Variants in CDH10 observed in about 807,000 individuals in gnomAD.
CDH10 encodes cadherin 10.
CDH10 carries 30 observed loss-of-function variants against 73.1 expected under a neutral mutation model. The observed-to-expected ratio is 0.41, with a 90% CI of 0.31 to 0.56. The LOEUF is 0.56. CDH10 is among the 20% of genes least tolerant of loss of function. The pLI is 0.27. For synonymous variants in CDH10, 345 were observed against 348.2 expected (o/e 0.99, Z 0.10); for missense variants, 815 against 973.7 (o/e 0.84, Z 2.17).
intron 2 of CDH10, among the ~76,000 whole-genome samples, chr5:24,580,411 TTG>T (rs1561177013): frequency 6.6e-6 from 1 of 152,168 alleles, no homozygotes. Flanking sequence ...CTTAAATAAT[TTG>T]TGTGAGATGG....
At chr5:24,516,338 T>C (rs1036405496) in intron 5 of CDH10, among the ~76,000 whole-genome samples, 5 of 152,162 alleles carry the variant, frequency 3.3e-5, no homozygotes, top group African/African-American at 1.2e-4. Flanking sequence ...TTTTCATAAT[T>C]AATACATATC....
intron 9 of CDH10, among the ~76,000 whole-genome samples, chr5:24,494,624 A>C (rs1317723774): frequency 1.3e-5 from 2 of 152,050 alleles, no homozygotes; most frequent in Non-Finnish European, 2.9e-5. Flanking sequence ...ACAAAGTATA[A>C]TTTCAATTTA....
Position 24,537,362 on chromosome 5 carries a change from C to G in CDH10, c.526+18G>C, listed in dbSNP as rs771328294. On this transcript the variant is annotated intron_variant, in intron 3 of 11. Coordinates refer to ENST00000264463, the MANE Select transcript of CDH10 (RefSeq NM_006727.5). ...AACACTTTTTGAATACCATCATAAA[C>G]GCTGTAAATGAACTTACCTACAACA... 3 of 1,554,478 alleles carry G rather than the reference C, an allele frequency of 1.9e-6. No homozygotes were observed. The highest frequency in any genetic ancestry group is 2.6e-6 in the Non-Finnish European group (3 of 1,139,890).
chr5:24,626,156 G>A (rs1747490210), intron 1 of CDH10, among the ~76,000 whole-genome samples: 1 of 152,084 alleles, frequency 6.6e-6, no homozygotes, highest in South Asian at 2.1e-4. Context: ...TTAATTTCAT[G>A]GATCAGATTC....
intron 3 of CDH10, among the ~76,000 whole-genome samples, chr5:24,536,384 AT>A (rs1277777405): frequency 6.6e-6 from 1 of 152,070 alleles, no homozygotes; most frequent in Non-Finnish European, 1.5e-5. Context: ...AGTTCTTGGG[AT>A]TTAATGAAGT....
intron 1 of CDH10, among the ~76,000 whole-genome samples, chr5:24,642,903 C>G (rs1278115174): frequency 2.0e-5 from 3 of 149,792 alleles, no homozygotes; most frequent in Non-Finnish European, 4.4e-5. Context: ...AATTTGTTCA[C>G]AGCAAGTATT....
At chr5:24,504,989 T>A in intron 8 of CDH10, 123 bp downstream of exon 8, 1 of 706,156 alleles carries the variant, frequency 1.4e-6, no homozygotes, top group Non-Finnish European at 2.3e-6. Context: ...TTAAAATTCA[T>A]CTGTCCAATG....
At chr5:24,572,534 C>A (rs1298621120) in intron 2 of CDH10, among the ~76,000 whole-genome samples, 1 of 151,690 alleles carries the variant, frequency 6.6e-6, no homozygotes, top group Non-Finnish European at 1.5e-5. Flanking sequence ...ATTAAATGCC[C>A]CTCCCCCCAA....
rs929336845 is a variant in CDH10 at position 24,578,728 on chromosome 5, T to C, written c.231+14532A>G. 3.3e-5 allele frequency among the ~76,000 whole-genome samples: 5 copies of C among 152,290 alleles called. 1 individual carries two copies. The highest frequency in any genetic ancestry group is 4.1e-4 in the South Asian group (2 of 4,830). ...ACAACAAAACTGTGGCATTATAGGA[T>C]ATCTTTAATGAATTCTGTCTACCAT... On this transcript the variant is annotated intron_variant, in intron 2 of 11. Coordinates refer to ENST00000264463, the MANE Select transcript of CDH10 (RefSeq NM_006727.5).
In CDH10 at chr5:24,604,026, CAATT is replaced by C. The variant is rs1746662284; in HGVS notation, c.-123-10417_-123-10414del. ...AAACAATTAAAGTTTTACATAAAAA[CAATT>C]AATACTTCTAGATTGAAATAAAAAT... On this transcript the variant is annotated intron_variant, in intron 1 of 11. Transcript: ENST00000264463. 2.0e-5 allele frequency among the ~76,000 whole-genome samples: 3 copies of C among 152,054 alleles called. No homozygotes were observed. The South Asian group carries it at 6.2e-4, about 32-fold the overall frequency.
In CDH10 at chr5:24,511,333, C is replaced by G. The variant is rs141628395; in HGVS notation, c.996G>C (p.Val332=). 1.9e-6 allele frequency: 3 copies of G among 1,602,884 alleles called. No homozygotes were observed. The highest frequency in any genetic ancestry group is 2.6e-6 in the Non-Finnish European group (3 of 1,171,198). ...TTATATGGATGCTGTGCACCTTTTT[C>G]ACAGTGATGATGCCTTCCTGTGTGT... ...EKDTQEGIIT[V]KKPLDYESRR... Residue 332 remains valine, a synonymous_variant, in exon 6 of 12, where the codon GTG becomes GTC. Transcript: ENST00000264463.
rs2111605418 is a variant in CDH10 at position 24,487,907 on chromosome 5, G to A, written c.2123C>T (p.Thr708Met). Residue 708 changes from threonine to methionine, a missense_variant, in exon 12 of 12, where the codon ACG (threonine) becomes ATG (methionine). By Grantham distance (81) the Thr-to-Met change is moderately conservative. This residue lies in a region of CDH10 where 241 missense variants were observed against 240.3 expected (regional missense o/e 1.00). Coordinates refer to ENST00000264463, the MANE Select transcript of CDH10 (RefSeq NM_006727.5). ...TTCATTAATGAAATCCCGGACGTCC[G>A]TGTTATCTGGAGCTGTAGGAGTCCT... ...PRRTPTAPDN[T>M]DVRDFINERL... The A allele has an allele frequency of 1.2e-6, 2 of 1,613,770 alleles. No individual in the cohort carries two copies. The highest frequency in any genetic ancestry group is 8.5e-7 in the Non-Finnish European group (1 of 1,179,910).
chr5:24,575,208 A>G (rs1385465101), intron 2 of CDH10, among the ~76,000 whole-genome samples: 1 of 151,912 alleles, frequency 6.6e-6, no homozygotes, highest in Non-Finnish European at 1.5e-5. Flanking sequence ...CTAAAAATAT[A>G]AAAATTACCC....
chr5:24,534,803 G>A (rs550771744), intron 5 of CDH10, among the ~76,000 whole-genome samples: 84 of 151,950 alleles, frequency 5.5e-4, no homozygotes, highest in Non-Finnish European at 1.0e-3. Flanking sequence ...AATAAACATT[G>A]TTTCCTTTTG....
intron 5 of CDH10, 49 bp from the exon 6 acceptor site, chr5:24,511,563 G>C (rs776324771): frequency 8.4e-5 from 63 of 748,520 alleles, no homozygotes; most frequent in African/African-American, 6.3e-4. Context: ...GAGAGAGAGA[G>C]AGAGAGAGAG....
intron 1 of CDH10, among the ~76,000 whole-genome samples, chr5:24,639,950 C>A (rs1484123851): frequency 6.6e-6 from 1 of 151,790 alleles, no homozygotes; most frequent in Non-Finnish European, 1.5e-5. Flanking sequence ...CTTGCTAGTG[C>A]AGTAAACTAC....
intron 1 of CDH10, among the ~76,000 whole-genome samples, chr5:24,619,293 A>G (rs2112163601): frequency 6.6e-6 from 1 of 152,038 alleles, no homozygotes; most frequent in South Asian, 2.1e-4. Flanking sequence ...TCCCGGGTTC[A>G]CGCCATTCTC....
In CDH10 at chr5:24,537,366, G is replaced by A. The variant is rs565332922; in HGVS notation, c.526+14C>T. 6.3e-7 allele frequency: 1 copy of A among 1,577,610 alleles called. No individual in the cohort carries two copies. The highest frequency in any genetic ancestry group is 8.6e-7 in the Non-Finnish European group (1 of 1,156,354). On this transcript the variant is annotated intron_variant, in intron 3 of 11. Coordinates refer to ENST00000264463, the MANE Select transcript of CDH10 (RefSeq NM_006727.5). ...CTTTTTGAATACCATCATAAACGCT[G>A]TAAATGAACTTACCTACAACAGACA...
chr5:24,507,575 C>T (rs1742743756), intron 7 of CDH10, among the ~76,000 whole-genome samples: 1 of 151,700 alleles, frequency 6.6e-6, no homozygotes, highest in Admixed American at 6.6e-5. Context: ...CTTGGTATTA[C>T]ACTTTAAGTA....
Sources: allele counts gnomAD v4.1 joint callset (sites outside exome capture counted in the v4.1 genomes callset), GRCh38; gene constraint gnomAD v4.1.1; regional missense constraint gnomAD v4.1.1; transcripts MANE v1.5; gene names NCBI Gene and HGNC (gene_info 2026-07-23, HGNC 2026-07-21).